OR4N2: variants seen among roughly 807,000 people sequenced by gnomAD.
OR4N2 encodes olfactory receptor family 4 subfamily N member 2.
For synonymous variants in OR4N2, 141 were observed against 140.4 expected (o/e 1.00, Z -0.03); for missense variants, 307 against 377.6 (o/e 0.81, Z 1.55).
chr14:19,814,270 A>G (rs1360755989), intron 1 of OR4N2, among the ~76,000 whole-genome samples: 8 of 152,258 alleles, frequency 5.3e-5, no homozygotes, highest in African/African-American at 1.9e-4. Context: ...GTGAAAGTGA[A>G]CAAATTACAA....
chr14:19,804,960 CT>C (rs1236095963), intron 1 of OR4N2, among the ~76,000 whole-genome samples: 62 of 152,266 alleles, frequency 4.1e-4, no homozygotes, highest in African/African-American at 1.4e-3. Flanking sequence ...CCTTCTTTGT[CT>C]TTTTCGATTA....
At chr14:19,803,870 C>T (rs1879085945) in intron 1 of OR4N2, 26 bp downstream of exon 1, 1 of 152,240 alleles carries the variant, frequency 6.6e-6, no homozygotes, top group African/African-American at 2.4e-5. Flanking sequence ...ATTACTAACA[C>T]AATCTTGGAA....
At position 19,829,395 on chromosome 14, in the gene OR4N2, C is replaced by T. The variant is rs1188739454; in HGVS notation, c.*1023C>T. On this transcript the variant is annotated 3_prime_UTR_variant, in exon 2 of 2. Transcript: ENST00000557677. ...AAGAAACCATTCTAGCTATTTTAAA[C>T]AAAACATCATTTAATATCGAGAGTT... The T allele has an allele frequency of 2.0e-5, 3 of 152,168 alleles. No homozygotes were observed. The highest frequency in any genetic ancestry group is 3.8e-4 in the East Asian group (2 of 5,204). 9.4% of individuals were successfully genotyped at this position (152,168 alleles called of 1,614,324 possible). A position where few individuals can be genotyped will look rare whatever the true frequency, so the allele number is the denominator to read the frequency against.
chr14:19,827,831 G>C lies in OR4N2; in HGVS notation c.383G>C (p.Arg128Pro). 6.2e-7 allele frequency: 1 copy of C among 1,614,198 alleles called. No homozygotes were observed. Among genetic ancestry groups the C allele is most frequent in the Non-Finnish European group, 8.5e-7 (1 of 1,180,032 alleles). The change falls in exon 2 of 2, where the codon CGG (arginine) becomes CCG (proline). Residue 128 changes from arginine to proline, a missense_variant. Arg to Pro is a moderately radical substitution (Grantham distance 103, BLOSUM62 -2). Transcript: ENST00000557677. ...TTTGACCGCTACATCGCCATCTGCC[G>C]GCCTCTGCACTATCCTACTGTCATG... ...MAFDRYIAIC[R>P]PLHYPTVMNP...
intron 1 of OR4N2, among the ~76,000 whole-genome samples, chr14:19,824,256 G>A (rs540158277): frequency 1.4e-3 from 207 of 152,252 alleles, no homozygotes; most frequent in Admixed American, 3.8e-3. Context: ...TAGACTCTGC[G>A]TCTATTCCAA....
intron 1 of OR4N2, among the ~76,000 whole-genome samples, chr14:19,820,458 G>A (rs111466255): frequency 6.2e-4 from 95 of 152,362 alleles, no homozygotes; most frequent in African/African-American, 2.3e-3. Context: ...TGCATTAGCT[G>A]TGTGGGAGAT....
intron 1 of OR4N2, among the ~76,000 whole-genome samples, chr14:19,817,777 G>A (rs1879464680): frequency 6.6e-6 from 1 of 152,226 alleles, no homozygotes; most frequent in Admixed American, 6.5e-5. Context: ...TAATTGTAAT[G>A]TTAGGGTGTC....
chr14:19,808,050 AC>A (rs1471658746), intron 1 of OR4N2, among the ~76,000 whole-genome samples: 1 of 152,176 alleles, frequency 6.6e-6, no homozygotes, highest in African/African-American at 2.4e-5. Flanking sequence ...CATGATAAAA[AC>A]CCTTAACAGA....
rs1470781052 is a variant in OR4N2 at position 19,821,133 on chromosome 14, G to T, written c.-9-6307G>T. ...AAAAGCCTAGTATCTGAATCAGAAT[G>T]CACCTTTCCTCTCGGCACAGTCTCT... On this transcript the variant is annotated intron_variant, in intron 1 of 1. Coordinates refer to ENST00000557677, the MANE Select transcript of OR4N2 (RefSeq NM_001004723.3). Among the ~76,000 whole-genome samples, 3 of 152,256 alleles carry T rather than the reference G, an allele frequency of 2.0e-5. No individual in the cohort carries two copies. In the East Asian group the frequency reaches 5.8e-4, roughly 29 times the overall value.
intron 1 of OR4N2, among the ~76,000 whole-genome samples, chr14:19,818,351 G>A (rs1302857122): frequency 6.6e-6 from 1 of 152,124 alleles, no homozygotes; most frequent in Non-Finnish European, 1.5e-5. Flanking sequence ...CTTGCTTTAT[G>A]AATATGAGTG....
At chr14:19,820,488 T>C (rs1285770985) in intron 1 of OR4N2, among the ~76,000 whole-genome samples, 4 of 152,228 alleles carry the variant, frequency 2.6e-5, no homozygotes, top group Non-Finnish European at 5.9e-5. Context: ...CCTTCAGAGA[T>C]GGCAGGCAGG....
chr14:19,823,179 A>G (rs1879608362), intron 1 of OR4N2, among the ~76,000 whole-genome samples: 1 of 152,246 alleles, frequency 6.6e-6, no homozygotes, highest in African/African-American at 2.4e-5. Context: ...ATTATTTCAT[A>G]CTCAAATAAT....
intron 1 of OR4N2, among the ~76,000 whole-genome samples, chr14:19,805,222 G>C (rs1428685657): frequency 6.6e-6 from 1 of 151,878 alleles, no homozygotes; most frequent in Non-Finnish European, 1.5e-5. Context: ...TAGATTGTGT[G>C]TTTCCCAGCA....
intron 1 of OR4N2, among the ~76,000 whole-genome samples, chr14:19,818,722 T>G (rs1479697508): frequency 6.6e-6 from 1 of 151,848 alleles, no homozygotes; most frequent in East Asian, 1.9e-4. Flanking sequence ...GATCCTGTAA[T>G]TATGATGTTA....
In OR4N2 at chr14:19,808,748, C is replaced by T. The variant is rs1326003271; in HGVS notation, c.-10+4904C>T. ...TAAAATTCATACAGAGCCAAAAAAG[C>T]CTGAATAGTCAAAACAATCCCATGC... is the stretch of plus-strand genomic sequence containing the variant. On this transcript the variant is annotated intron_variant, in intron 1 of 1. Coordinates refer to ENST00000557677, the MANE Select transcript of OR4N2 (RefSeq NM_001004723.3). Among the ~76,000 whole-genome samples the T allele has an allele frequency of 3.9e-5, 6 of 152,048 alleles. No homozygotes were observed. The East Asian group carries it at 5.8e-4, about 15-fold the overall frequency.
At chr14:19,807,912 A>T (rs1265868732) in intron 1 of OR4N2, among the ~76,000 whole-genome samples, 1 of 152,202 alleles carries the variant, frequency 6.6e-6, no homozygotes, top group African/African-American at 2.4e-5. Context: ...TATTCCTGAG[A>T]TGTAAGGCTT....
At chr14:19,822,940 C>T (rs1009319774) in intron 1 of OR4N2, among the ~76,000 whole-genome samples, 3 of 152,194 alleles carry the variant, frequency 2.0e-5, no homozygotes, top group South Asian at 2.1e-4. Flanking sequence ...ATAAATGATT[C>T]CCAAACCAGG....
intron 1 of OR4N2, among the ~76,000 whole-genome samples, chr14:19,808,597 T>A (rs1879222102): frequency 6.6e-6 from 1 of 152,126 alleles, no homozygotes; most frequent in South Asian, 2.1e-4. Context: ...TGGAAAAAAA[T>A]TCCATACTAA....
intron 1 of OR4N2, among the ~76,000 whole-genome samples, chr14:19,804,167 T>C (rs2138456014): frequency 6.6e-6 from 1 of 152,348 alleles, no homozygotes; most frequent in Admixed American, 6.5e-5. Context: ...TTTGTTAATC[T>C]TTTGTATGGG....
Sources: gnomAD v4.1 joint callset for allele counts (sites outside exome capture counted in the v4.1 genomes callset) on GRCh38, gnomAD v4.1.1 for gene constraint, MANE v1.5 for transcripts, NCBI Gene and HGNC (gene_info 2026-07-23, HGNC 2026-07-21) for gene names.